PPP1R12B: variants seen among roughly 807,000 people sequenced by gnomAD.
PPP1R12B encodes the protein protein phosphatase 1 regulatory subunit 12B.
PPP1R12B carries 76 observed loss-of-function variants against 126.1 expected under a neutral mutation model. The ratio of observed to expected loss-of-function variants is 0.60; its 90% CI spans 0.50 to 0.73. PPP1R12B has a LOEUF of 0.73. PPP1R12B is among the 30% of genes least tolerant of loss of function. The pLI, the probability that PPP1R12B is intolerant of heterozygous loss-of-function variation, is 0.00. For missense variants in PPP1R12B, 1,052 were observed against 1,205.1 expected (o/e 0.87, Z 1.88); for synonymous variants, 356 against 434.7 (o/e 0.82, Z 2.25).
intron 19 of PPP1R12B, among the ~76,000 whole-genome samples, chr1:202,559,797 C>T (rs1687338090): frequency 6.6e-6 from 1 of 152,150 alleles, no homozygotes; most frequent in South Asian, 2.1e-4. Context: ...TTACTTCTAA[C>T]CTAGCAGAAA....
In PPP1R12B at chr1:202,430,780, A is replaced by G. The variant is rs1670093416; in HGVS notation, c.971A>G (p.Asn324Ser). 3 of 1,613,282 alleles carry G rather than the reference A, an allele frequency of 1.9e-6. No homozygotes were observed. Among genetic ancestry groups the G allele is most frequent in the Non-Finnish European group, 2.5e-6 (3 of 1,179,504 alleles). The change falls in exon 7 of 24, where the codon AAC (asparagine) becomes AGC (serine). Residue 324 changes from asparagine (N) to serine (S), a missense_variant. Asn to Ser is a conservative substitution (Grantham distance 46). Coordinates refer to ENST00000608999, the MANE Select transcript of PPP1R12B (RefSeq NM_002481.4). The part of the protein sequence containing the change: ...TRNKLIESDL[N>S]SKIQSGFFKN... ...AATAAACTCATTGAGTCAGATCTGAACAGCAAGATTCAGAGTGGGTTCTTT... is the reference window on the plus strand; with the variant it reads ...AATAAACTCATTGAGTCAGATCTGAGCAGCAAGATTCAGAGTGGGTTCTTT...
intron 1 of PPP1R12B, among the ~76,000 whole-genome samples, chr1:202,350,606 T>A (rs1655762668): frequency 6.6e-6 from 1 of 152,020 alleles, no homozygotes; most frequent in Non-Finnish European, 1.5e-5. Context: ...GGTGAATTCT[T>A]GTTTTTCTTT....
intron 23 of PPP1R12B, among the ~76,000 whole-genome samples, chr1:202,570,496 CT>C (rs1173426446): frequency 3.3e-5 from 5 of 152,226 alleles, no homozygotes; most frequent in Admixed American, 2.6e-4. Context: ...CTGCTTATAT[CT>C]CAAACATTTT....
chr1:202,548,790 CTCTCTCTCTCTCTCTCTCTA>C (rs1685955046), intron 18 of PPP1R12B, among the ~76,000 whole-genome samples: 2 of 110,672 alleles, frequency 1.8e-5, no homozygotes, highest in East Asian at 2.4e-4. Flanking sequence ...CTCTCTCTCT[CTCTCTCTCTCTCTCTCTCTA>C]TATATATATA....
At chr1:202,538,820 T>C (rs1684813576) in intron 18 of PPP1R12B, among the ~76,000 whole-genome samples, 1 of 152,248 alleles carries the variant, frequency 6.6e-6, no homozygotes, top group Non-Finnish European at 1.5e-5. Context: ...TCGTTTTCCC[T>C]GTACTACTGA....
At position 202,569,187 on chromosome 1, in the gene PPP1R12B, A is replaced by G. The variant is rs548061334; in HGVS notation, c.2852A>G (p.Glu951Gly). The G allele has an allele frequency of 3.7e-6, 6 of 1,613,202 alleles. No individual in the cohort carries two copies. The East Asian group carries it at 1.1e-4, about 30-fold the overall frequency. ...GAGCGCAAAATGTCAGAAATGGAGGAAGAAATGAAGGTATGAAGAGATTTT... is the reference window on the plus strand; with the variant it reads ...GAGCGCAAAATGTCAGAAATGGAGGGAGAAATGAAGGTATGAAGAGATTTT... Reference protein sequence around the residue: ...ALERKMSEMEEEMKVLTELKS... With the variant: ...ALERKMSEMEGEMKVLTELKS... The change falls in exon 23 of 24, where the codon GAA becomes GGA. Residue 951 changes from glutamate to glycine, a missense_variant. Transcript: ENST00000608999.
At chr1:202,350,789 A>T (rs1252635389) in intron 1 of PPP1R12B, among the ~76,000 whole-genome samples, 2 of 151,400 alleles carry the variant, frequency 1.3e-5, no homozygotes, top group Non-Finnish European at 2.9e-5. Flanking sequence ...CCTAGATAAT[A>T]TTTGTATTTT....
At chr1:202,395,389 G>A (rs542338840) in intron 1 of PPP1R12B, among the ~76,000 whole-genome samples, 332 of 152,258 alleles carry the variant, frequency 2.2e-3, no homozygotes, top group African/African-American at 7.8e-3. Context: ...CCGCTCCCTT[G>A]ATTCTCATGC....
chr1:202,372,836 G>A (rs1212591436), intron 1 of PPP1R12B, among the ~76,000 whole-genome samples: 1 of 152,094 alleles, frequency 6.6e-6, no homozygotes, highest in Non-Finnish European at 1.5e-5. Flanking sequence ...TTAAAAAGTA[G>A]TAGTAGTATT....
chr1:202,578,378 C>T (rs1054410639), intron 23 of PPP1R12B, among the ~76,000 whole-genome samples: 1 of 152,206 alleles, frequency 6.6e-6, no homozygotes, highest in African/African-American at 2.4e-5. Context: ...GCTGCAGCCC[C>T]AGCATGGGGC....
intron 18 of PPP1R12B, among the ~76,000 whole-genome samples, chr1:202,510,899 TATA>T (rs1420308941): frequency 1.0e-4 from 15 of 146,640 alleles, no homozygotes; most frequent in African/African-American, 3.5e-4. Context: ...TTTATACTAA[TATA>T]ATATATAATA....
chr1:202,549,881 G>T (rs1239945095), intron 18 of PPP1R12B, among the ~76,000 whole-genome samples: 2 of 152,138 alleles, frequency 1.3e-5, no homozygotes, highest in Admixed American at 1.3e-4. Context: ...TAATGTAAAT[G>T]CAGGGAATGA....
At chr1:202,380,561 C>A (rs1203227640) in intron 1 of PPP1R12B, among the ~76,000 whole-genome samples, 2 of 152,156 alleles carry the variant, frequency 1.3e-5, no homozygotes, top group African/African-American at 2.4e-5. Context: ...CCCACCTCTT[C>A]CCCTGAGAGT....
intron 18 of PPP1R12B, among the ~76,000 whole-genome samples, chr1:202,498,947 A>G (rs1018778444): frequency 6.6e-6 from 1 of 152,158 alleles, no homozygotes; most frequent in Non-Finnish European, 1.5e-5. Flanking sequence ...CTCCTTGAGA[A>G]TTATAATATC....
At chr1:202,570,207 A>G (rs1158716755) in intron 23 of PPP1R12B, among the ~76,000 whole-genome samples, 1 of 152,204 alleles carries the variant, frequency 6.6e-6, no homozygotes, top group Non-Finnish European at 1.5e-5. Context: ...AGTATTAGGC[A>G]GATCCCCAAA....
Position 202,477,986 on chromosome 1 carries a change from A to G in PPP1R12B, c.1851-10547A>G, listed in dbSNP as rs191241765. ...TCCGGATGCCAGAAGGCGAGGGGAT[A>G]GATGAGAAGCCATGGCTTCCATTAT... is the stretch of plus-strand genomic sequence containing the variant. On this transcript the variant is annotated intron_variant, in intron 13 of 23. Coordinates refer to ENST00000608999, the MANE Select transcript of PPP1R12B (RefSeq NM_002481.4). Among the ~76,000 whole-genome samples the G allele has an allele frequency of 3.6e-3, 545 of 152,326 alleles. 2 individuals are homozygous for G. The highest frequency in any genetic ancestry group is 0.013 in the African/African-American group (522 of 41,586).
Position 202,587,631 on chromosome 1 carries a change from T to A in PPP1R12B, c.*7071T>A, listed in dbSNP as rs1171471603. The stretch of plus-strand genomic sequence containing the variant: ...GGATTCAGGAAAGGCACACTGATGG[T>A]GGGGAGCCTCTTAAGAGCCTCTAAT... On this transcript the variant is annotated 3_prime_UTR_variant, in exon 24 of 24. Transcript: ENST00000608999. The A allele has an allele frequency of 6.6e-6, 1 of 152,206 alleles. No individual in the cohort carries two copies. The highest frequency in any genetic ancestry group is 2.4e-5 in the African/African-American group (1 of 41,428). 9.4% of individuals were successfully genotyped at this position (152,206 alleles called of 1,614,324 possible).
At chr1:202,494,501 T>G (rs1469703727) in intron 15 of PPP1R12B, among the ~76,000 whole-genome samples, 1 of 151,380 alleles carries the variant, frequency 6.6e-6, no homozygotes, top group African/African-American at 2.4e-5. Context: ...TAATGTGTAG[T>G]AAGGATTTAT....
Position 202,427,090 on chromosome 1 carries a change from G to A in PPP1R12B, c.752G>A (p.Trp251Ter), listed in dbSNP as rs1393116260. 2 of 1,613,872 alleles carry A rather than the reference G, an allele frequency of 1.2e-6. No individual in the cohort carries two copies. Among genetic ancestry groups the A allele is most frequent in the East Asian group, 2.2e-5 (1 of 44,882 alleles). The change falls in exon 5 of 24, where the codon TGG (tryptophan) becomes TAG (stop). Residue 251 changes from tryptophan to a stop codon, truncating the protein, a stop_gained. Coordinates refer to ENST00000608999, the MANE Select transcript of PPP1R12B (RefSeq NM_002481.4). LOFTEE classifies it high-confidence loss of function. ...CTCAATGTTCAGGATTATGATGGCT[G>A]GACTCCCCTCCATGCTGCTGCACAC... ...YELNVQDYDG[W>*]TPLHAAAHWG... is the part of the protein sequence containing the mutation.
Sources: allele counts gnomAD v4.1 joint callset (sites outside exome capture counted in the v4.1 genomes callset), GRCh38; gene constraint gnomAD v4.1.1; transcripts MANE v1.5; gene names NCBI Gene and HGNC (gene_info 2026-07-23, HGNC 2026-07-21).